The following MAGI3 variants were observed in gnomAD, a reference collection of about 807,000 sequenced individuals.
The protein encoded by MAGI3 is membrane-associated guanylate kinase, WW and PDZ domain-containing protein 3.
A neutral mutation model predicts 121.8 loss-of-function variants in MAGI3; 43 were observed. The ratio of observed to expected loss-of-function variants is 0.35; its 90% confidence interval spans 0.28 to 0.46. MAGI3 has a LOEUF of 0.46. MAGI3 is among the 20% of genes least tolerant of loss of function. The pLI, the probability that MAGI3 is intolerant of heterozygous loss-of-function variation, is 1.00. For missense variants in MAGI3, 1,547 were observed against 1,797.3 expected (o/e 0.86, Z 2.52); for synonymous variants, 553 against 639.3 (o/e 0.86, Z 2.04).
intron 16 of MAGI3, among the ~76,000 whole-genome samples, chr1:113,667,440 T>A (rs1338768737): frequency 1.3e-5 from 2 of 152,192 alleles, no homozygotes; most frequent in Non-Finnish European, 2.9e-5. Flanking sequence ...AGCTTCACAC[T>A]TTTCTTCTGC....
chr1:113,479,647 G>C (rs1247534818), intron 1 of MAGI3, among the ~76,000 whole-genome samples: 1 of 152,090 alleles, frequency 6.6e-6, no homozygotes, highest in Non-Finnish European at 1.5e-5. Context: ...TTTTCTTCCA[G>C]ATTTGGGGTG....
At chr1:113,666,221 G>A (rs1039253167) in intron 16 of MAGI3, among the ~76,000 whole-genome samples, 1 of 152,160 alleles carries the variant, frequency 6.6e-6, no homozygotes, top group African/African-American at 2.4e-5. Context: ...AATAAAGTCT[G>A]CCACATTGAC....
At chr1:113,485,231 A>G (rs1656328416) in intron 1 of MAGI3, among the ~76,000 whole-genome samples, 1 of 152,186 alleles carries the variant, frequency 6.6e-6, no homozygotes, top group Non-Finnish European at 1.5e-5. Flanking sequence ...TCTTTAAGGA[A>G]TCTTCACACT....
At chr1:113,547,081 T>A (rs1398313522) in intron 1 of MAGI3, among the ~76,000 whole-genome samples, 129 of 120,186 alleles carry the variant, frequency 1.1e-3, no homozygotes, top group African/African-American at 3.8e-3. Flanking sequence ...AGACTCCATC[T>A]AAAAAAAAAA....
At chr1:113,515,143 T>A (rs953482722) in intron 1 of MAGI3, among the ~76,000 whole-genome samples, 5 of 152,086 alleles carry the variant, frequency 3.3e-5, no homozygotes, top group Admixed American at 6.6e-5. Context: ...GAAAACCATT[T>A]CTTGAGTAAA....
At chr1:113,405,128 A>G (rs923951870) in intron 1 of MAGI3, among the ~76,000 whole-genome samples, 1 of 152,128 alleles carries the variant, frequency 6.6e-6, no homozygotes, top group Non-Finnish European at 1.5e-5. Flanking sequence ...AGAGCAGGGT[A>G]TTCGTAACTT....
chr1:113,459,259 A>G (rs991351653), intron 1 of MAGI3, among the ~76,000 whole-genome samples: 1 of 152,220 alleles, frequency 6.6e-6, no homozygotes, highest in Admixed American at 6.5e-5. Flanking sequence ...AATGAGAATG[A>G]TCGATTTAAT....
At chr1:113,534,667 C>T (rs1658882510) in intron 1 of MAGI3, among the ~76,000 whole-genome samples, 1 of 152,136 alleles carries the variant, frequency 6.6e-6, no homozygotes, top group African/African-American at 2.4e-5. Context: ...ATTATGACAC[C>T]AAAGACAGGT....
rs371710736 is a variant in MAGI3 at position 113,587,259 on chromosome 1, G to A, written c.763+1663G>A. On this transcript the variant is annotated intron_variant, in intron 4 of 20. Transcript: ENST00000307546. ...GTTGCTCAAGCAGGAGTGCAGTGGT[G>A]CGATCTTGGCTCACTGCAATCTGTC... is the stretch of plus-strand genomic sequence containing the variant. Among the ~76,000 whole-genome samples the A allele has an allele frequency of 3.9e-5, 6 of 152,252 alleles. No individual in the cohort carries two copies. The East Asian group carries it at 5.8e-4, about 15-fold the overall frequency.
intron 1 of MAGI3, among the ~76,000 whole-genome samples, chr1:113,493,688 C>T (rs571956897): frequency 6.6e-6 from 1 of 152,126 alleles, no homozygotes; most frequent in South Asian, 2.1e-4. Context: ...GAAAAAGCAA[C>T]CCCATTAAAA....
rs573108619 is a variant in MAGI3 at position 113,683,509 on chromosome 1, G to A, written c.3941G>A (p.Arg1314Gln). 20 of 1,613,786 alleles carry A rather than the reference G, an allele frequency of 1.2e-5. No homozygotes were observed. The highest frequency in any genetic ancestry group is 3.3e-5 in the Admixed American group (2 of 59,978). Residue 1314 changes from arginine to glutamine, a missense_variant, in exon 21 of 21, where the codon CGA becomes CAA. Transcript: ENST00000307546. ...GCCAAATTATTAGAGGGTAAGAGTCGAAGAATAGCAGGCTATACGGGCAGT... is the reference window on the plus strand; with the variant it reads ...GCCAAATTATTAGAGGGTAAGAGTCAAAGAATAGCAGGCTATACGGGCAGT... ...AEAKLLEGKS[R>Q]RIAGYTGSNA... is the part of the protein sequence containing the mutation.
intron 1 of MAGI3, among the ~76,000 whole-genome samples, chr1:113,494,469 A>C (rs773413657): frequency 1.2e-4 from 18 of 152,202 alleles, no homozygotes; most frequent in Non-Finnish European, 2.4e-4. Flanking sequence ...AGTGTACTAT[A>C]TAACAAACCT....
chr1:113,646,574 G>A lies in MAGI3; in HGVS notation c.2087G>A (p.Arg696Lys). 4 of 1,613,386 alleles carry A rather than the reference G, an allele frequency of 2.5e-6. No homozygotes were observed. Among genetic ancestry groups the A allele is most frequent in the Non-Finnish European group, 3.4e-6 (4 of 1,179,598 alleles). Residue 696 changes from arginine (R) to lysine (K), a missense_variant, in exon 12 of 21, where the codon AGG (arginine) becomes AAG (lysine). Coordinates refer to ENST00000307546, the MANE Select transcript of MAGI3 (RefSeq NM_001142782.2). ...QPMPFPPSII[R>K]SGSPKLDPSE... ...ATGCCTTTTCCACCGAGCATTATCAGGTCAGGATCCCCAAAATTGGATCCT... is the reference window on the plus strand; with the variant it reads ...ATGCCTTTTCCACCGAGCATTATCAAGTCAGGATCCCCAAAATTGGATCCT...
At chr1:113,600,344 T>A (rs1649289535) in intron 6 of MAGI3, among the ~76,000 whole-genome samples, 1 of 151,988 alleles carries the variant, frequency 6.6e-6, no homozygotes, top group Non-Finnish European at 1.5e-5. Context: ...GCCCAAAATC[T>A]CCTTAAGCTG....
In MAGI3 at chr1:113,642,389, T is replaced by C. The variant is rs142099952; in HGVS notation, c.1839T>C (p.Leu613=). Residue 613 remains leucine, a synonymous_variant, in exon 10 of 21, where the codon CTT becomes CTC. Transcript: ENST00000307546. ...MILDSQWCQG[L]QKGDIIKEIY... is the part of the protein sequence containing the mutation. ...TGGATAGTCAGTGGTGTCAAGGCCT[T>C]CAGAAAGGAGATATAATTAAGGAAA... is the stretch of plus-strand genomic sequence containing the variant. 51 of 1,614,058 alleles carry C rather than the reference T, an allele frequency of 3.2e-5. No individual in the cohort carries two copies. Among genetic ancestry groups the C allele is most frequent in the Non-Finnish European group, 4.3e-5 (51 of 1,180,040 alleles).
chr1:113,623,459 C>CACACACAT (rs1193095919), intron 9 of MAGI3, among the ~76,000 whole-genome samples: 1 of 33,294 alleles, frequency 3.0e-5, no homozygotes, highest in East Asian at 9.5e-4. Flanking sequence ...CACATACACA[C>CACACACAT]ACACACACAC....
intron 1 of MAGI3, among the ~76,000 whole-genome samples, chr1:113,417,121 T>C (rs551143606): frequency 1.3e-5 from 2 of 152,218 alleles, no homozygotes; most frequent in South Asian, 4.1e-4. Context: ...TTATTGAGTA[T>C]AATTTACATA....
At chr1:113,396,921 A>T (rs112700501) in intron 1 of MAGI3, among the ~76,000 whole-genome samples, 3 of 152,282 alleles carry the variant, frequency 2.0e-5, no homozygotes, top group South Asian at 2.1e-4. Flanking sequence ...TTTGGTGAAA[A>T]TGAGACTAAC....
chr1:113,682,187 T>G, intron 20 of MAGI3: 1 of 1,581,004 alleles, frequency 6.3e-7, no homozygotes, highest in Non-Finnish European at 8.6e-7. Flanking sequence ...CACATAGTCC[T>G]AGGCTTTTTC....
Sources: allele counts gnomAD v4.1 joint callset (sites outside exome capture counted in the v4.1 genomes callset), GRCh38; gene constraint gnomAD v4.1.1; transcripts MANE v1.5; gene names NCBI Gene and HGNC (gene_info 2026-07-23, HGNC 2026-07-21).